The following LOC128462377 variants were observed in gnomAD, a reference collection of about 807,000 sequenced individuals.
the LOC128462377 span, among the ~76,000 whole-genome samples, chr16:89,398,933 C>CA: frequency 6.6e-6 from 1 of 152,156 alleles, no homozygotes; most frequent in Non-Finnish European, 1.5e-5. Flanking sequence ...AGTCTCTGGA[C>CA]AAGGCCTCAA....
the LOC128462377 span, among the ~76,000 whole-genome samples, chr16:89,346,270 AGAATCAACACAAC>A: frequency 2.0e-5 from 3 of 150,682 alleles, no homozygotes; most frequent in African/African-American, 4.9e-5. Flanking sequence ...AAAAAAAAAA[AGAATCAACACAAC>A]AGAGAAAATG....
At chr16:89,349,846 C>T in the LOC128462377 span, among the ~76,000 whole-genome samples, 7 of 145,100 alleles carry the variant, frequency 4.8e-5, no homozygotes, top group Non-Finnish European at 7.5e-5. Flanking sequence ...AAAATACAGG[C>T]CAAATACTTG....
the LOC128462377 span, among the ~76,000 whole-genome samples, chr16:89,390,362 G>A: frequency 3.9e-4 from 60 of 152,134 alleles, no homozygotes; most frequent in Admixed American, 1.4e-3. Flanking sequence ...CGAGTGTGGC[G>A]GGGAGCACTG....
At chr16:89,407,684 CATAG>C in the LOC128462377 span, among the ~76,000 whole-genome samples, 1 of 150,982 alleles carries the variant, frequency 6.6e-6, no homozygotes, top group South Asian at 2.1e-4. Flanking sequence ...CACACACACA[CATAG>C]ACACACACAG....
the LOC128462377 span, among the ~76,000 whole-genome samples, chr16:89,397,112 A>G: frequency 3.3e-5 from 5 of 152,088 alleles, no homozygotes; most frequent in Non-Finnish European, 5.9e-5. Context: ...ACATTTTCCA[A>G]TCCTTCAGGT....
the LOC128462377 span, among the ~76,000 whole-genome samples, chr16:89,330,573 G>A: frequency 9.2e-4 from 138 of 149,666 alleles, 1 homozygote; most frequent in African/African-American, 3.2e-3. Flanking sequence ...GGGGAGCCAC[G>A]GCACCTCTGT....
At chr16:89,370,163 T>C in the LOC128462377 span, among the ~76,000 whole-genome samples, 11 of 152,196 alleles carry the variant, frequency 7.2e-5, no homozygotes, top group Non-Finnish European at 1.3e-4. Context: ...TTTGCATTCT[T>C]CCCCACGCCC....
At chr16:89,375,243 C>A in the LOC128462377 span, among the ~76,000 whole-genome samples, 239 of 152,256 alleles carry the variant, frequency 1.6e-3, 2 homozygotes, top group African/African-American at 5.6e-3. Flanking sequence ...CTAATCGTCT[C>A]CGCGTGAGCA....
chr16:89,348,356 C>T, the LOC128462377 span, among the ~76,000 whole-genome samples: 2 of 152,068 alleles, frequency 1.3e-5, no homozygotes, highest in African/African-American at 2.4e-5. Flanking sequence ...TGAGATAAAC[C>T]CCGCTTGCTC....
the LOC128462377 span, among the ~76,000 whole-genome samples, chr16:89,415,389 C>T: frequency 3.3e-5 from 5 of 150,082 alleles, no homozygotes; most frequent in Admixed American, 2.7e-4. Flanking sequence ...CTCAGCCTCC[C>T]GAGTAGCTGG....
At chr16:89,324,833 T>C in the LOC128462377 span, 1 of 285,626 alleles carries the variant, frequency 3.5e-6, no homozygotes, top group Non-Finnish European at 6.9e-6. Context: ...GCTTCCTGGC[T>C]CCTCAGCTTG....
the LOC128462377 span, among the ~76,000 whole-genome samples, chr16:89,318,680 TC>T: frequency 6.6e-6 from 1 of 152,212 alleles, no homozygotes; most frequent in Non-Finnish European, 1.5e-5. Flanking sequence ...AAGATGCTTC[TC>T]CTCCAACACC....
At chr16:89,336,921 G>C in the LOC128462377 span, among the ~76,000 whole-genome samples, 1 of 146,528 alleles carries the variant, frequency 6.8e-6, no homozygotes. Flanking sequence ...TGTAATCCTA[G>C]CACTTTAGGA....
At chr16:89,391,590 CCTA>C in the LOC128462377 span, among the ~76,000 whole-genome samples, 93 of 152,314 alleles carry the variant, frequency 6.1e-4, 2 homozygotes, top group South Asian at 2.9e-3. Flanking sequence ...CCTCAGAACC[CCTA>C]CTAACTGAGC....
chr16:89,382,909 C>G, the LOC128462377 span, among the ~76,000 whole-genome samples: 1 of 152,204 alleles, frequency 6.6e-6, no homozygotes, highest in Non-Finnish European at 1.5e-5. Flanking sequence ...AGCATGATCT[C>G]GGCTCACTGC....
the LOC128462377 span, among the ~76,000 whole-genome samples, chr16:89,333,063 T>G: frequency 6.6e-6 from 1 of 152,160 alleles, no homozygotes; most frequent in South Asian, 2.1e-4. Flanking sequence ...GAAGGGCCCC[T>G]GTGGGGCATG....
chr16:89,407,668 T>C, the LOC128462377 span, among the ~76,000 whole-genome samples: 9 of 150,808 alleles, frequency 6.0e-5, no homozygotes, highest in South Asian at 4.2e-4. Flanking sequence ...CAAACACACA[T>C]ACACACACAC....
At chr16:89,329,773 C>G in the LOC128462377 span, among the ~76,000 whole-genome samples, 1 of 152,114 alleles carries the variant, frequency 6.6e-6, no homozygotes, top group Admixed American at 6.5e-5. Flanking sequence ...GTCTGGGAGG[C>G]CCAGGCAGGC....
chr16:89,337,593 T>C, the LOC128462377 span, among the ~76,000 whole-genome samples: 5 of 151,848 alleles, frequency 3.3e-5, no homozygotes, highest in African/African-American at 1.2e-4. Flanking sequence ...CCTGCCACCA[T>C]GCCCAGATAA....
Sources: gnomAD v4.1 joint callset for allele counts (sites outside exome capture counted in the v4.1 genomes callset) on GRCh38, gnomAD v4.1.1 for gene constraint, MANE v1.5 for transcripts.